STK40: variants seen among roughly 807,000 people sequenced by gnomAD.
STK40 encodes the protein serine/threonine-protein kinase 40.
In STK40, 13 loss-of-function variants were observed where a neutral mutation model predicts 47.9. The ratio of observed to expected loss-of-function variants is 0.27; its 90% confidence interval spans 0.18 to 0.43. The LOEUF is 0.43. Ranked by LOEUF, STK40 falls within the 20% of genes least tolerant of loss-of-function variation. The probability of loss-of-function intolerance (pLI) is 1.00; values close to 1 mark genes in which losing one functional copy is unlikely to be tolerated. For missense variants in STK40, 460 were observed against 595.1 expected (o/e 0.77, Z 2.36); for synonymous variants, 225 against 243.2 (o/e 0.93, Z 0.69).
intron 4 of STK40, among the ~76,000 whole-genome samples, chr1:36,357,480 G>T (rs546382300): frequency 1.3e-5 from 2 of 152,278 alleles, no homozygotes; most frequent in African/African-American, 4.8e-5. Context: ...CTTCAGTGCT[G>T]CCCCAAGAAT....
At chr1:36,374,198 G>A (rs533522636) in intron 1 of STK40, among the ~76,000 whole-genome samples, 5 of 152,354 alleles carry the variant, frequency 3.3e-5, no homozygotes, top group Middle Eastern at 3.4e-3. Context: ...AGGAGACTGC[G>A]TAATCAGTGA....
Position 36,341,944 on chromosome 1 carries a change from G to T in STK40, c.1119C>A (p.Tyr373Ter), listed in dbSNP as rs200223642. The change falls in exon 11 of 11, where the codon TAC (tyrosine) becomes TAA (stop). Residue 373 changes from tyrosine to a stop codon, truncating the protein, a stop_gained. Transcript: ENST00000373132. LOFTEE classifies it high-confidence loss of function. The part of the protein sequence containing the change: ...EAKVTEECSQ[Y>*]EFENYMRQQL... ...GCTGACGCATGTAGTTCTCAAACTC[G>T]TACTGGGAGCACTCCTCCGTCACCT... 1 of 1,613,798 alleles carries T rather than the reference G, an allele frequency of 6.2e-7. No individual in the cohort carries two copies. The highest frequency in any genetic ancestry group is 1.3e-5 in the African/African-American group (1 of 74,950).
chr1:36,358,021 G>T (rs1194196250), intron 4 of STK40, among the ~76,000 whole-genome samples: 1 of 152,136 alleles, frequency 6.6e-6, no homozygotes, highest in Non-Finnish European at 1.5e-5. Context: ...GTGCATTCCT[G>T]GCTAGGCTAT....
At chr1:36,355,144 A>G in intron 5 of STK40, 62 bp downstream of exon 5, 2 of 1,546,622 alleles carry the variant, frequency 1.3e-6, no homozygotes, top group Middle Eastern at 2.2e-4. Flanking sequence ...CCTTCTGCTC[A>G]GCAGCAGCAA....
intron 6 of STK40, among the ~76,000 whole-genome samples, chr1:36,350,962 G>T (rs990118682): frequency 2.6e-5 from 4 of 152,188 alleles, no homozygotes; most frequent in Non-Finnish European, 5.9e-5. Flanking sequence ...CCACCCAAGT[G>T]GGGGGTGCAT....
chr1:36,344,071 A>C lies in STK40; in HGVS notation c.884+49T>G, dbSNP rs778390645. 3.1e-6 allele frequency: 5 copies of C among 1,599,106 alleles called. No individual in the cohort carries two copies. The Admixed American group carries it at 5.1e-5, about 16-fold the overall frequency. ...CTCACTGTGCCGTTTCCCTGCCTTA[A>C]GCCCATCAGGCTGGCTGCCCCCCCC... On this transcript the variant is annotated intron_variant, in intron 8 of 10. Coordinates refer to ENST00000373132, the MANE Select transcript of STK40 (RefSeq NM_001282547.2).
Position 36,354,971 on chromosome 1 carries a change from A to C in STK40, c.570+235T>G, listed in dbSNP as rs548806640. The stretch of plus-strand genomic sequence containing the variant: ...CTCTTAACTGATGGGGAATTAACAC[A>C]GTTGGCTGTGGTAATTACCACAGCT... On this transcript the variant is annotated intron_variant, in intron 5 of 10. Coordinates refer to ENST00000373132, the MANE Select transcript of STK40 (RefSeq NM_001282547.2). Among the ~76,000 whole-genome samples, 435 of 152,266 alleles carry C rather than the reference A, an allele frequency of 2.9e-3. 2 individuals are homozygous for C. Among genetic ancestry groups the C allele is most frequent in the African/African-American group, 9.9e-3 (411 of 41,548 alleles).
At chr1:36,363,969 G>A (rs1646878486) in intron 1 of STK40, among the ~76,000 whole-genome samples, 1 of 151,812 alleles carries the variant, frequency 6.6e-6, no homozygotes, top group South Asian at 2.1e-4. Context: ...GGTTAACACG[G>A]TGAAACCCTG....
chr1:36,364,628 C>T (rs1408095635), intron 1 of STK40, among the ~76,000 whole-genome samples: 1 of 151,114 alleles, frequency 6.6e-6, no homozygotes, highest in Admixed American at 6.6e-5. Flanking sequence ...TGACATATAG[C>T]TTTTTCATCT....
chr1:36,342,018 T>G, intron 10 of STK40, 45 bp from the exon 11 acceptor site: 5 of 1,551,182 alleles, frequency 3.2e-6, no homozygotes, highest in Non-Finnish European at 4.4e-6. Context: ...TAAACCCAGA[T>G]GAAGGCAGCG....
intron 1 of STK40, among the ~76,000 whole-genome samples, chr1:36,367,048 A>G (rs1646908980): frequency 1.4e-5 from 2 of 145,506 alleles, no homozygotes; most frequent in South Asian, 4.3e-4. Flanking sequence ...GGGTTTCACC[A>G]TGTTGGCCAG....
intron 1 of STK40, chr1:36,367,910 CTG>C: frequency 3.0e-6 from 3 of 985,376 alleles, no homozygotes; most frequent in Non-Finnish European, 2.4e-6. Context: ...CTGAATGGGT[CTG>C]TGGTCATGCT....
At chr1:36,380,633 G>A (rs992104493) in intron 1 of STK40, among the ~76,000 whole-genome samples, 1 of 152,218 alleles carries the variant, frequency 6.6e-6, no homozygotes, top group Non-Finnish European at 1.5e-5. Flanking sequence ...TCAGTGGGCT[G>A]TAGTATGCTG....
chr1:36,368,956 C>T (rs1010138472), intron 1 of STK40, among the ~76,000 whole-genome samples: 1 of 152,110 alleles, frequency 6.6e-6, no homozygotes, highest in African/African-American at 2.4e-5. Context: ...TCAGGTCCCC[C>T]GAGGCAGAGG....
At chr1:36,343,091 G>C (rs910784969) in intron 10 of STK40, 11 of 612,270 alleles carry the variant, frequency 1.8e-5, no homozygotes, top group Non-Finnish European at 3.2e-5. Context: ...AGGAAGCTGA[G>C]AGGGCTGGCC....
chr1:36,378,491 G>C (rs1647010728), intron 1 of STK40, among the ~76,000 whole-genome samples: 1 of 151,216 alleles, frequency 6.6e-6, no homozygotes. Flanking sequence ...ACGGAGTCTT[G>C]CTCTGTCACC....
Position 36,341,631 on chromosome 1 carries a change from G to C in STK40, c.*124C>G. On this transcript the variant is annotated 3_prime_UTR_variant, in exon 11 of 11. Coordinates refer to ENST00000373132, the MANE Select transcript of STK40 (RefSeq NM_001282547.2). The stretch of plus-strand genomic sequence containing the variant: ...CCCACGTGTGACCTGGGCTGTCCCT[G>C]TCCCTGCCCTGTCCCTATTGTGGCC... The C allele has an allele frequency of 8.2e-7, 1 of 1,226,022 alleles. No homozygotes were observed. The highest frequency in any genetic ancestry group is 1.1e-6 in the Non-Finnish European group (1 of 875,680). 75.9% of individuals were successfully genotyped at this position (1,226,022 alleles called of 1,614,324 possible). A position where few individuals can be genotyped will look rare whatever the true frequency, so the allele number is the denominator to read the frequency against.
At chr1:36,375,388 T>G (rs1352300898) in intron 1 of STK40, among the ~76,000 whole-genome samples, 1 of 151,628 alleles carries the variant, frequency 6.6e-6, no homozygotes, top group East Asian at 1.9e-4. Context: ...GTGCCTATAA[T>G]CCCAGCTACT....
At chr1:36,364,947 G>GT (rs1385371940) in intron 1 of STK40, among the ~76,000 whole-genome samples, 1 of 150,960 alleles carries the variant, frequency 6.6e-6, no homozygotes, top group East Asian at 1.9e-4. Context: ...GTCTTCACCA[G>GT]TAAGGTGAAA....
Sources: allele counts gnomAD v4.1 joint callset (sites outside exome capture counted in the v4.1 genomes callset), GRCh38; gene constraint gnomAD v4.1.1; transcripts MANE v1.5; gene names NCBI Gene and HGNC (gene_info 2026-07-23, HGNC 2026-07-21).